The following ZDHHC5 variants were observed in gnomAD, a reference collection of about 807,000 sequenced individuals.
ZDHHC5 encodes zDHHC palmitoyltransferase 5.
Under a neutral mutation model 70.0 loss-of-function variants are expected in ZDHHC5, and 22 were observed. The observed-to-expected ratio is 0.31, with a 90% CI of 0.22 to 0.45. ZDHHC5 has a LOEUF of 0.45. Ranked by LOEUF, ZDHHC5 falls within the 20% of genes least tolerant of loss-of-function variation. The pLI is 1.00. For synonymous variants in ZDHHC5, 313 were observed against 347.8 expected (o/e 0.90, Z 1.11); for missense variants, 746 against 926.9 (o/e 0.80, Z 2.53).
At chr11:57,687,810 G>T in intron 3 of ZDHHC5, among the ~76,000 whole-genome samples, 1 of 116,540 alleles carries the variant, frequency 8.6e-6, no homozygotes. Flanking sequence ...TTGCTGTGTT[G>T]CCCAGGCTTG....
At chr11:57,671,176 C>A (rs1175924465) in intron 1 of ZDHHC5, among the ~76,000 whole-genome samples, 1 of 151,964 alleles carries the variant, frequency 6.6e-6, no homozygotes, top group African/African-American at 2.4e-5. Context: ...CATTCTGTAG[C>A]CTTCAATTTT....
rs145766532 is a variant in ZDHHC5, at chr11:57,674,448, C to T, written c.104+1254C>T. Among the ~76,000 whole-genome samples the T allele has an allele frequency of 1.5e-3, 225 of 152,020 alleles. No individual in the cohort carries two copies. In the Middle Eastern group the frequency reaches 0.031, roughly 21 times the overall value. Reference sequence around the variant, plus strand: ...CATTGATTTAGTGCTCTAGTTGCAGCTCTTGGAATCATCAGAGCATGCTGG... The same window carrying T: ...CATTGATTTAGTGCTCTAGTTGCAGTTCTTGGAATCATCAGAGCATGCTGG... On this transcript the variant is annotated intron_variant, in intron 2 of 11. Transcript: ENST00000287169.
rs149871014 is a variant in ZDHHC5 at position 57,692,452 on chromosome 11, T to A, written c.661-159T>A. ...TTGAACTAAGGACCCTGACTGTAGA[T>A]TCCCTGCTCTTAACCATAACATATA... is the stretch of plus-strand genomic sequence containing the variant. On this transcript the variant is annotated intron_variant, in intron 6 of 11. Transcript: ENST00000287169. 4.3e-3 allele frequency among the ~76,000 whole-genome samples: 652 copies of A among 152,340 alleles called. 8 individuals carry two copies. The highest frequency in any genetic ancestry group is 0.031 in the Middle Eastern group (9 of 294).
intron 1 of ZDHHC5, among the ~76,000 whole-genome samples, chr11:57,670,593 C>T (rs933627616): frequency 3.3e-5 from 5 of 151,984 alleles, no homozygotes; most frequent in African/African-American, 1.2e-4. Flanking sequence ...GTTAAATAAT[C>T]ATTAAATCAG....
In ZDHHC5 at chr11:57,673,046, G is replaced by A; in HGVS notation, c.-45G>A. On this transcript the variant is annotated 5_prime_UTR_variant, in exon 2 of 12. Coordinates refer to ENST00000287169, the MANE Select transcript of ZDHHC5 (RefSeq NM_015457.3). The stretch of plus-strand genomic sequence containing the variant: ...TTCTTGTCTGTTCTGCCGCTGTGTG[G>A]GCCTGGGCTATGCGGCAGGGCAGAT... The A allele has an allele frequency of 6.3e-7, 1 of 1,583,782 alleles. No individual in the cohort carries two copies. Among genetic ancestry groups the A allele is most frequent in the Non-Finnish European group, 8.7e-7 (1 of 1,152,792 alleles).
At position 57,700,378 on chromosome 11, in the gene ZDHHC5, TTCC is replaced by T. The variant is rs1048938231; in HGVS notation, c.*350_*352del. On this transcript the variant is annotated 3_prime_UTR_variant, in exon 12 of 12. Transcript: ENST00000287169. The stretch of plus-strand genomic sequence containing the variant: ...TATTATTGTTACGGATTCTATTTTT[TTCC>T]TCTTCTGCGTTACCAGGTGTGTGTG... 8 of 158,622 alleles carry T rather than the reference TTCC, an allele frequency of 5.0e-5. No individual in the cohort carries two copies. Among genetic ancestry groups the T allele is most frequent in the African/African-American group, 1.9e-4 (8 of 41,236 alleles). 9.8% of individuals were successfully genotyped at this position (158,622 alleles called of 1,614,324 possible). A position where few individuals can be genotyped will look rare whatever the true frequency, so the allele number is the denominator to read the frequency against.
Position 57,672,949 on chromosome 11 carries a change from G to A in ZDHHC5, c.-142G>A. On this transcript the variant is annotated 5_prime_UTR_variant, in exon 2 of 12. Coordinates refer to ENST00000287169, the MANE Select transcript of ZDHHC5 (RefSeq NM_015457.3). The stretch of plus-strand genomic sequence containing the variant: ...TGACCTTTGGCTTTATTTGGGAGGG[G>A]GAAGGGTGATAAAGTTTTCTGTTTC... 1 of 669,042 alleles carries A rather than the reference G, an allele frequency of 1.5e-6. No homozygotes were observed. The highest frequency in any genetic ancestry group is 1.9e-5 in the South Asian group (1 of 53,138). The allele number at this position is 669,042 out of a possible 1,614,324, so 41.4% of individuals were successfully genotyped here. A position where few individuals can be genotyped will look rare whatever the true frequency, so the allele number is the denominator to read the frequency against.
At chr11:57,671,810 G>A (rs560271336) in intron 1 of ZDHHC5, among the ~76,000 whole-genome samples, 2 of 152,326 alleles carry the variant, frequency 1.3e-5, no homozygotes, top group South Asian at 4.1e-4. Flanking sequence ...GTGAAGCCAT[G>A]TTCTGCTTCC....
intron 3 of ZDHHC5, 93 bp downstream of exon 3, chr11:57,682,636 T>C: frequency 7.1e-7 from 1 of 1,413,214 alleles, no homozygotes; most frequent in Non-Finnish European, 9.4e-7. Context: ...TTAAGAGTCC[T>C]GGGATTTTGG....
intron 4 of ZDHHC5, 124 bp downstream of exon 4, chr11:57,688,789 A>C: frequency 9.5e-7 from 1 of 1,052,330 alleles, no homozygotes; most frequent in Non-Finnish European, 1.3e-6. Context: ...CACATGGTCC[A>C]GCTCTGTCAA....
chr11:57,694,244 G>A lies in ZDHHC5; in HGVS notation c.885+329G>A, dbSNP rs373231154. Among the ~76,000 whole-genome samples the A allele has an allele frequency of 2.7e-3, 417 of 151,966 alleles. 24 individuals are homozygous for A. The South Asian group carries it at 0.082, about 30-fold the overall frequency. On this transcript the variant is annotated intron_variant, in intron 8 of 11. Transcript: ENST00000287169. ...TGACCTCAGGTGATCTGCCCACCTC[G>A]GCCTCCCAAAGTGCTAGGATTACAA...
chr11:57,682,313 C>T (rs1405465028), intron 2 of ZDHHC5, 109 bp from the exon 3 acceptor site: 19 of 1,410,018 alleles, frequency 1.3e-5, no homozygotes, highest in Non-Finnish European at 1.8e-5. Flanking sequence ...AGGTAAACCA[C>T]ACAAGATTTA....
intron 8 of ZDHHC5, among the ~76,000 whole-genome samples, chr11:57,695,454 T>C (rs1009401037): frequency 4.6e-5 from 7 of 152,052 alleles, no homozygotes; most frequent in Non-Finnish European, 1.0e-4. Context: ...CATCTAATGC[T>C]ATACCCAAAC....
At chr11:57,691,834 C>T (rs1946288883) in intron 6 of ZDHHC5, among the ~76,000 whole-genome samples, 1 of 151,054 alleles carries the variant, frequency 6.6e-6, no homozygotes, top group Admixed American at 6.6e-5. Context: ...TCTTAGTTAA[C>T]AGACATTTAC....
At chr11:57,678,863 A>G (rs1946109085) in intron 2 of ZDHHC5, among the ~76,000 whole-genome samples, 3 of 152,200 alleles carry the variant, frequency 2.0e-5, no homozygotes, top group Admixed American at 6.5e-5. Context: ...CTCAAAAAAA[A>G]TGAATTCTAA....
intron 2 of ZDHHC5, among the ~76,000 whole-genome samples, chr11:57,676,694 T>C (rs946010641): frequency 1.3e-5 from 2 of 151,850 alleles, no homozygotes; most frequent in African/African-American, 4.8e-5. Flanking sequence ...CTGGTTCAAG[T>C]GAGGCTGGCA....
chr11:57,698,537 C>A, intron 10 of ZDHHC5, 22 bp from the exon 11 acceptor site: 1 of 1,567,664 alleles, frequency 6.4e-7, no homozygotes. Context: ...GCACTAAGAG[C>A]CTGCTTTACT....
chr11:57,682,674 C>A, intron 3 of ZDHHC5, 131 bp downstream of exon 3: 1 of 1,162,514 alleles, frequency 8.6e-7, no homozygotes, highest in Non-Finnish European at 1.2e-6. Context: ...TTTGGGCATA[C>A]GCAGTTGATC....
At chr11:57,677,301 T>TC (rs1344487264) in intron 2 of ZDHHC5, among the ~76,000 whole-genome samples, 1 of 146,676 alleles carries the variant, frequency 6.8e-6, no homozygotes, top group Non-Finnish European at 1.5e-5. Flanking sequence ...TTTTTTTTTT[T>TC]TTTGAGATGG....
Sources: allele counts gnomAD v4.1 joint callset (sites outside exome capture counted in the v4.1 genomes callset), GRCh38; gene constraint gnomAD v4.1.1; transcripts MANE v1.5; gene names NCBI Gene and HGNC (gene_info 2026-07-23, HGNC 2026-07-21).